Variants in USH2A observed in about 807,000 individuals in gnomAD.
USH2A encodes the protein usherin, also known as Usher syndrome 2A (autosomal recessive, mild).
Under a neutral mutation model 538.9 loss-of-function variants are expected in USH2A, and 443 were observed. The observed-to-expected ratio is 0.82, with a 90% CI of 0.76 to 0.89. The LOEUF is 0.89. USH2A is among the 40% of genes least tolerant of loss of function. The probability of loss-of-function intolerance (pLI) is 0.00; values close to 1 mark genes in which losing one functional copy is unlikely to be tolerated. For missense variants in USH2A, 6,633 were observed against 6,324.8 expected, an observed-to-expected ratio of 1.05 and a Z score of -1.65; for synonymous variants, 2,413 against 2,273.5, an observed-to-expected ratio of 1.06 and a Z score of -1.75.
intron 58 of USH2A, among the ~76,000 whole-genome samples, chr1:215,745,432 A>G (rs1660443945): frequency 6.6e-6 from 1 of 152,190 alleles, no homozygotes; most frequent in Admixed American, 6.5e-5. Flanking sequence ...GAGTCATTTC[A>G]ATGCATCCCT....
In USH2A at chr1:215,809,994, A is replaced by G. The variant is rs540072690; in HGVS notation, c.9739+3742T>C. On this transcript the variant is annotated intron_variant, in intron 49 of 71. Transcript: ENST00000307340. ...CACGGGGCTGAGGACAGAGGTCACA[A>G]AATAATCTCTTCATTTAGGTACAGT... Among the ~76,000 whole-genome samples, 4 of 152,298 alleles carry G rather than the reference A, an allele frequency of 2.6e-5. No individual in the cohort carries two copies. The South Asian group carries it at 6.2e-4, about 24-fold the overall frequency.
At chr1:216,265,717 CT>C (rs1443217651) in intron 11 of USH2A, among the ~76,000 whole-genome samples, 5 of 151,844 alleles carry the variant, frequency 3.3e-5, no homozygotes, top group Non-Finnish European at 5.9e-5. Flanking sequence ...AAAACTCTGT[CT>C]TTTGAAGCAA....
intron 21 of USH2A, among the ~76,000 whole-genome samples, chr1:216,140,769 C>T (rs1449550525): frequency 6.6e-6 from 1 of 152,192 alleles, no homozygotes; most frequent in African/African-American, 2.4e-5. Flanking sequence ...TTAAGAGAGG[C>T]AGGCAATTGC....
intron 13 of USH2A, among the ~76,000 whole-genome samples, chr1:216,237,494 TAAAA>T (rs59074625): frequency 6.1e-5 from 7 of 114,298 alleles, no homozygotes; most frequent in African/African-American, 2.0e-4. Flanking sequence ...GACTCCGTCT[TAAAA>T]AAAAAAAAAA....
chr1:216,032,282 G>A (rs1010266208), intron 32 of USH2A, among the ~76,000 whole-genome samples: 4 of 152,094 alleles, frequency 2.6e-5, no homozygotes, highest in South Asian at 2.1e-4. Context: ...AATAGCATGG[G>A]TTGTTGATTA....
chr1:215,965,377 GA>G lies in USH2A; in HGVS notation c.7059del (p.Arg2354AlafsTer6), dbSNP rs749309938. On this transcript the variant is annotated frameshift_variant, in exon 37 of 72. Coordinates refer to ENST00000307340, the MANE Select transcript of USH2A (RefSeq NM_206933.4). LOFTEE classifies it high-confidence loss of function. ...GAGTGTGTTAAGAGTCCATTAGGGCGAAAAGGTGCTTCCCACCTCACGTGGG... is the reference window on the plus strand; with the variant it reads ...GAGTGTGTTAAGAGTCCATTAGGGCGAAAGGTGCTTCCCACCTCACGTGGG... Reference protein sequence around the residue: ...RKAHVRWEAPFRPNGLLTHSV... With the variant: ...RKAHVRWEAPXRPNGLLTHSV... 6.2e-7 allele frequency: 1 copy of G among 1,613,906 alleles called. No individual in the cohort carries two copies. Among genetic ancestry groups the G allele is most frequent in the South Asian group, 1.1e-5 (1 of 91,078 alleles).
chr1:215,649,030 C>T (rs1007658853), intron 65 of USH2A, among the ~76,000 whole-genome samples: 1 of 152,132 alleles, frequency 6.6e-6, no homozygotes, highest in Non-Finnish European at 1.5e-5. Context: ...ATAATATTAT[C>T]GATTATCTAT....
chr1:215,974,635 C>T (rs1227784387), intron 35 of USH2A, among the ~76,000 whole-genome samples: 1 of 152,100 alleles, frequency 6.6e-6, no homozygotes, highest in Non-Finnish European at 1.5e-5. Flanking sequence ...CAAAAGCCTC[C>T]AGCTTCATAG....
At chr1:215,929,926 G>C (rs1266558012) in intron 38 of USH2A, among the ~76,000 whole-genome samples, 2 of 151,798 alleles carry the variant, frequency 1.3e-5, no homozygotes, top group East Asian at 1.9e-4. Context: ...GTGGATAAGT[G>C]GAGAGGGGGT....
At chr1:215,858,498 T>C (rs1664229862) in intron 44 of USH2A, among the ~76,000 whole-genome samples, 1 of 148,980 alleles carries the variant, frequency 6.7e-6, no homozygotes, top group African/African-American at 2.5e-5. Context: ...CTCTCACCTA[T>C]CTCGCATGTC....
At chr1:216,398,895 C>T (rs1298695141) in intron 3 of USH2A, among the ~76,000 whole-genome samples, 1 of 152,130 alleles carries the variant, frequency 6.6e-6, no homozygotes, top group Non-Finnish European at 1.5e-5. Context: ...ATTTTCTGTC[C>T]TCTGCTCAGT....
chr1:216,283,925 C>T (rs1199717548), intron 11 of USH2A, among the ~76,000 whole-genome samples: 1 of 152,080 alleles, frequency 6.6e-6, no homozygotes, highest in Non-Finnish European at 1.5e-5. Flanking sequence ...ATCTTAACCT[C>T]ATGTTGGTGC....
chr1:216,029,330 C>A (rs1239265594), intron 32 of USH2A, among the ~76,000 whole-genome samples: 2 of 152,002 alleles, frequency 1.3e-5, no homozygotes, highest in Non-Finnish European at 2.9e-5. Flanking sequence ...AAGTGCTTTA[C>A]AATATACACT....
At chr1:216,293,741 C>T (rs181774096) in intron 9 of USH2A, among the ~76,000 whole-genome samples, 26 of 152,314 alleles carry the variant, frequency 1.7e-4, no homozygotes, top group African/African-American at 4.8e-4. Context: ...AACACAACCA[C>T]ACGCTTCTCT....
At chr1:215,830,654 C>T (rs547939530) in intron 47 of USH2A, among the ~76,000 whole-genome samples, 25 of 152,244 alleles carry the variant, frequency 1.6e-4, no homozygotes, top group East Asian at 7.7e-4. Context: ...TATGAATGAA[C>T]GAACGCAAGT....
chr1:216,017,638 C>A (rs1342227956), intron 32 of USH2A, among the ~76,000 whole-genome samples: 1 of 152,080 alleles, frequency 6.6e-6, no homozygotes, highest in Non-Finnish European at 1.5e-5. Flanking sequence ...TCCTGACTAC[C>A]TGTGGCAGGA....
At chr1:216,036,126 T>G (rs1571906720) in intron 32 of USH2A, among the ~76,000 whole-genome samples, 1 of 152,036 alleles carries the variant, frequency 6.6e-6, no homozygotes, top group Admixed American at 6.6e-5. Context: ...TAGAAGGAAA[T>G]TAGTAAGACG....
intron 69 of USH2A, among the ~76,000 whole-genome samples, chr1:215,638,785 T>G (rs1333051158): frequency 6.6e-6 from 1 of 151,916 alleles, no homozygotes; most frequent in African/African-American, 2.4e-5. Flanking sequence ...CAGACCAGCC[T>G]GGCTAACAAG....
intron 27 of USH2A, among the ~76,000 whole-genome samples, chr1:216,075,760 G>C (rs1249350162): frequency 6.6e-6 from 1 of 152,180 alleles, no homozygotes; most frequent in East Asian, 1.9e-4. Flanking sequence ...ATCTGAGCTG[G>C]CACATCTTCA....
Sources: allele counts gnomAD v4.1 joint callset (sites outside exome capture counted in the v4.1 genomes callset), GRCh38; gene constraint gnomAD v4.1.1; transcripts MANE v1.5; gene names NCBI Gene and HGNC (gene_info 2026-07-23, HGNC 2026-07-21).